Variants in PLEC observed in about 807,000 individuals in gnomAD.
The protein encoded by PLEC is plectin.
A neutral mutation model predicts 392.8 loss-of-function variants in PLEC; 216 were observed. The ratio of observed to expected loss-of-function variants is 0.55; its 90% confidence interval spans 0.49 to 0.62. The LOEUF is 0.62. Among genes scored for constraint, PLEC ranks in the 20% least tolerant of loss-of-function variants. The pLI is 0.00. For missense variants in PLEC, 6,863 were observed against 6,563.4 expected, an observed-to-expected ratio of 1.05 and a Z score of -1.58; for synonymous variants, 3,621 against 2,980.6, an observed-to-expected ratio of 1.21 and a Z score of -7.00.
At chr8:143,970,183 G>A (rs1353741207) in intron 1 of PLEC, among the ~76,000 whole-genome samples, 1 of 152,100 alleles carries the variant, frequency 6.6e-6, no homozygotes, top group Non-Finnish European at 1.5e-5. Context: ...GGGTGATGGC[G>A]TAGGGCGTCA....
chr8:143,925,719 G>A lies in PLEC; in HGVS notation c.4210C>T (p.Arg1404Trp), dbSNP rs782370378. ...TGCGCGTCCACCGCCGCCTCCTCCC[G>A]CCGCACCACCTCCTCCTGCATGCGC... ...QQRMQEEVVR[R>W]EEAAVDAQQQ... Residue 1404 changes from arginine to tryptophan, a missense_variant, in exon 31 of 32, where the codon CGG (arginine) becomes TGG (tryptophan). Coordinates refer to ENST00000345136, the MANE Select transcript of PLEC (RefSeq NM_201384.3). 3.4e-5 allele frequency: 55 copies of A among 1,595,266 alleles called. No homozygotes were observed. Among genetic ancestry groups the A allele is most frequent in the East Asian group, 2.5e-4 (11 of 44,748 alleles).
At chr8:143,963,602 T>G (rs1832958859) in intron 1 of PLEC, among the ~76,000 whole-genome samples, 1 of 152,152 alleles carries the variant, frequency 6.6e-6, no homozygotes, top group Non-Finnish European at 1.5e-5. Context: ...CCCATCTGGA[T>G]CCTACCCAGA....
chr8:143,939,931 C>T (rs573692081), upstream of PLEC, among the ~76,000 whole-genome samples: 29 of 152,342 alleles, frequency 1.9e-4, no homozygotes, highest in East Asian at 2.7e-3. Flanking sequence ...GCTCCCCCGA[C>T]GGGAGGGGCT....
intron 1 of PLEC, among the ~76,000 whole-genome samples, chr8:143,963,125 G>C (rs960136243): frequency 6.6e-6 from 1 of 152,156 alleles, no homozygotes; most frequent in African/African-American, 2.4e-5. Flanking sequence ...GACATACAGG[G>C]GAGACCCAGA....
At chr8:143,933,481 C>T (rs1828018554) in intron 12 of PLEC, 130 bp from the exon 13 acceptor site, 5 of 1,059,050 alleles carry the variant, frequency 4.7e-6, no homozygotes, top group Non-Finnish European at 7.2e-6. Flanking sequence ...CCTGTCCTTC[C>T]CCTTCCCTCC....
At position 143,918,419 on chromosome 8, in the gene PLEC, T is replaced by C; in HGVS notation, c.11402A>G (p.Asp3801Gly). ...GATGCCGCCGGTGGCCAGCTGGGCATCCAGCAGCCGCAGGGCCTCCTCAGT... is the reference window on the plus strand; with the variant it reads ...GATGCCGCCGGTGGCCAGCTGGGCACCCAGCAGCCGCAGGGCCTCCTCAGT... ...IPTEEALRLL[D>G]AQLATGGIVD... Residue 3801 changes from aspartate (D) to glycine (G), a missense_variant, in exon 32 of 32, where the codon GAT becomes GGT. Coordinates refer to ENST00000345136, the MANE Select transcript of PLEC (RefSeq NM_201384.3). The C allele has an allele frequency of 1.3e-6, 2 of 1,573,830 alleles. No individual in the cohort carries two copies. The highest frequency in any genetic ancestry group is 1.7e-6 in the Non-Finnish European group (2 of 1,163,602).
chr8:143,930,184 C>T lies in PLEC; in HGVS notation c.2572G>A (p.Val858Met). 1.3e-6 allele frequency: 2 copies of T among 1,581,096 alleles called. No homozygotes were observed. Among genetic ancestry groups the T allele is most frequent in the Non-Finnish European group, 1.7e-6 (2 of 1,169,700 alleles). ...EAAVPSVCFLVPPPNQEAQEA... is the reference protein window; with the variant it reads ...EAAVPSVCFLMPPPNQEAQEA... ...TGGGCCTCCTGGTTGGGCGGGGGCA[C>T]CAGGAAGCACACGGAGGGCACGGCG... The change falls in exon 21 of 32, where the codon GTG (valine) becomes ATG (methionine). Residue 858 changes from valine to methionine, a missense_variant. Coordinates refer to ENST00000345136, the MANE Select transcript of PLEC (RefSeq NM_201384.3).
chr8:143,938,621 C>CG lies in PLEC; in HGVS notation c.174+9dup. The stretch of plus-strand genomic sequence containing the variant: ...AGCCCCTGTGACACGCACCAGCATG[C>CG]GCCACCAACCTTGATGAGGTGCTTG... On this transcript the variant is annotated intron_variant, in intron 2 of 31. Coordinates refer to ENST00000345136, the MANE Select transcript of PLEC (RefSeq NM_201384.3). The CG allele has an allele frequency of 6.2e-7, 1 of 1,606,088 alleles. No individual in the cohort carries two copies. Among genetic ancestry groups the CG allele is most frequent in the Non-Finnish European group, 8.5e-7 (1 of 1,172,826 alleles).
At chr8:143,955,664 A>G (rs941555264), upstream of PLEC, among the ~76,000 whole-genome samples, 13 of 152,216 alleles carry the variant, frequency 8.5e-5, 1 homozygote, top group South Asian at 8.3e-4. Context: ...CAGTGGCTCA[A>G]TCACGGCTCA....
chr8:143,963,969 T>C (rs1362548635), intron 1 of PLEC, among the ~76,000 whole-genome samples: 2 of 152,182 alleles, frequency 1.3e-5, no homozygotes, highest in African/African-American at 2.4e-5. Flanking sequence ...TGTACTACCA[T>C]GACTGGCTGA....
intron 30 of PLEC, among the ~76,000 whole-genome samples, chr8:143,926,095 G>A (rs1825072467): frequency 6.6e-6 from 1 of 152,264 alleles, no homozygotes. Context: ...ACCAGCCTGG[G>A]GAAGGAGGCC....
rs782767652 is a variant in PLEC, at chr8:143,924,454, C to T, written c.5475G>A (p.Ala1825=). 1.8e-5 allele frequency: 28 copies of T among 1,553,388 alleles called. No individual in the cohort carries two copies. The highest frequency in any genetic ancestry group is 7.4e-5 in the Admixed American group (4 of 54,312). ...RQRQLAEEDA[A]RQRAEAERVL... ...CCCGCTCCGCCTCGGCCCGCTGCCG[C>T]GCCGCGTCTTCCTCGGCCAGCTGCC... Residue 1825 remains alanine (A), a synonymous_variant, in exon 31 of 32, where the codon GCG becomes GCA. Coordinates refer to ENST00000345136, the MANE Select transcript of PLEC (RefSeq NM_201384.3).
chr8:143,929,360 T>C (rs1268655965), intron 24 of PLEC, 54 bp downstream of exon 24: 2 of 1,328,724 alleles, frequency 1.5e-6, no homozygotes, highest in Non-Finnish European at 2.0e-6. Flanking sequence ...GGAGGGAGGG[T>C]GGGAGGAGGG....
chr8:143,939,979 T>C (rs1554727482), upstream of PLEC, among the ~76,000 whole-genome samples: 1 of 152,208 alleles, frequency 6.6e-6, no homozygotes, highest in African/African-American at 2.4e-5. Flanking sequence ...CCTCCAGGCC[T>C]GGGCCAGGCC....
Position 143,922,921 on chromosome 8 carries a change from C to A in PLEC, c.7008G>T (p.Lys2336Asn). The change falls in exon 31 of 32, where the codon AAG becomes AAT. Residue 2336 changes from lysine to asparagine, a missense_variant. By Grantham distance (94) the Lys-to-Asn change is moderately conservative. Coordinates refer to ENST00000345136, the MANE Select transcript of PLEC (RefSeq NM_201384.3). The part of the protein sequence containing the change: ...KAEAELLQQQ[K>N]ELAQEQARRL... ...GCCGCGCCTGCTCCTGCGCAAGCTC[C>A]TTCTGCTGCTGCAGCAGTTCCGCCT... 1.2e-6 allele frequency: 2 copies of A among 1,601,720 alleles called. No homozygotes were observed. Among genetic ancestry groups the A allele is most frequent in the Admixed American group, 1.7e-5 (1 of 58,484 alleles).
Position 143,926,031 on chromosome 8 carries a change from C to T in PLEC, c.4045-147G>A, listed in dbSNP as rs570019934. ...GGCCCCAGCCCGGCGGAGGAGACAGCGTGCACCCGCCCAGGGCGCTCGGGC... is the reference window on the plus strand; with the variant it reads ...GGCCCCAGCCCGGCGGAGGAGACAGTGTGCACCCGCCCAGGGCGCTCGGGC... On this transcript the variant is annotated intron_variant, in intron 30 of 31. Transcript: ENST00000345136. 3.7e-3 allele frequency: 3,405 copies of T among 927,076 alleles called. 23 individuals carry two copies. Among genetic ancestry groups the T allele is most frequent in the South Asian group, 6.9e-3 (483 of 69,712 alleles). 57.4% of individuals were successfully genotyped at this position (927,076 alleles called of 1,614,324 possible).
rs1554679372 is a variant in PLEC, at chr8:143,919,757, C to T, written c.10064G>A (p.Gly3355Asp). 6.2e-7 allele frequency: 1 copy of T among 1,609,908 alleles called. No individual in the cohort carries two copies. The change falls in exon 32 of 32, where the codon GGC (glycine) becomes GAC (aspartate). Residue 3355 changes from glycine (G) to aspartate (D), a missense_variant. Coordinates refer to ENST00000345136, the MANE Select transcript of PLEC (RefSeq NM_201384.3). ...CTCCAGGTAGATGCCGGCGAGGCAGCCACTGCCCTGCAGCAGCGTCCGCAC... is the reference window on the plus strand; with the variant it reads ...CTCCAGGTAGATGCCGGCGAGGCAGTCACTGCCCTGCAGCAGCGTCCGCAC... The part of the protein sequence containing the change: ...GSVRTLLQGS[G>D]CLAGIYLEDT...
In PLEC at chr8:143,925,772, G is replaced by A. The variant is rs782433527; in HGVS notation, c.4157C>T (p.Ala1386Val). The stretch of plus-strand genomic sequence containing the variant: ...CTGCAGCTCCTTCGCCTCCCGCTCC[G>A]CCTGTGCCTTTGCCTGGGCGTGCGC... ...AEAHAQAKAQ[A>V]EREAKELQQR... is the part of the protein sequence containing the mutation. The change falls in exon 31 of 32, where the codon GCG becomes GTG. Residue 1386 changes from alanine to valine, a missense_variant. Transcript: ENST00000345136. 1.2e-5 allele frequency: 19 copies of A among 1,589,632 alleles called. No individual in the cohort carries two copies. Among genetic ancestry groups the A allele is most frequent in the East Asian group, 2.2e-5 (1 of 44,524 alleles).
Position 143,920,346 on chromosome 8 carries a change from C to A in PLEC, c.9475G>T (p.Ala3159Ser), listed in dbSNP as rs201030020. 8.2e-6 allele frequency: 13 copies of A among 1,594,020 alleles called. No homozygotes were observed. The South Asian group carries it at 1.3e-4, about 16-fold the overall frequency. Residue 3159 changes from alanine (A) to serine (S), a missense_variant, in exon 32 of 32, where the codon GCC becomes TCC. Coordinates refer to ENST00000345136, the MANE Select transcript of PLEC (RefSeq NM_201384.3). ...SHRVPLDVAC[A>S]RGCLDEETSR... is the part of the protein sequence containing the mutation. ...GTCTCCTCATCCAGGCAGCCTCGGGCGCAGGCGACATCCAGGGGCACGCGG... is the reference window on the plus strand; with the variant it reads ...GTCTCCTCATCCAGGCAGCCTCGGGAGCAGGCGACATCCAGGGGCACGCGG...
Sources: allele counts gnomAD v4.1 joint callset (sites outside exome capture counted in the v4.1 genomes callset), GRCh38; gene constraint gnomAD v4.1.1; transcripts MANE v1.5; gene names NCBI Gene and HGNC (gene_info 2026-07-23, HGNC 2026-07-21).